TRDN: variants seen among roughly 807,000 people sequenced by gnomAD.
TRDN encodes the protein triadin in skeletal muscle.
TRDN carries 161 observed loss-of-function variants against 149.7 expected under a neutral mutation model. The observed-to-expected ratio is 1.08, with a 90% CI of 0.95 to 1.23. TRDN has a LOEUF of 1.23. TRDN is among the 50% of genes most tolerant of loss of function. The pLI is 0.00. For synonymous variants in TRDN, 294 were observed against 250.5 expected (o/e 1.17, Z -1.64); for missense variants, 896 against 823.5 (o/e 1.09, Z -1.08).
intron 24 of TRDN, among the ~76,000 whole-genome samples, chr6:123,301,770 C>CATATATATATATACATATAT (rs1778428268): frequency 3.5e-5 from 2 of 57,830 alleles, no homozygotes; most frequent in East Asian, 1.0e-3. Flanking sequence ...TATATATATA[C>CATATATATATATACATATAT]ATATATATAT....
chr6:123,290,205 T>C (rs1266101699), intron 24 of TRDN, among the ~76,000 whole-genome samples: 1 of 152,126 alleles, frequency 6.6e-6, no homozygotes, highest in Non-Finnish European at 1.5e-5. Context: ...CCTGTCTCTT[T>C]CTATTTTCCA....
At chr6:123,518,563 T>C (rs1159456691) in intron 5 of TRDN, among the ~76,000 whole-genome samples, 1 of 152,088 alleles carries the variant, frequency 6.6e-6, no homozygotes, top group Non-Finnish European at 1.5e-5. Flanking sequence ...CACTAAAGGA[T>C]TTTCAGATTG....
At chr6:123,476,442 CA>C (rs1170521719) in intron 9 of TRDN, among the ~76,000 whole-genome samples, 2 of 109,802 alleles carry the variant, frequency 1.8e-5, no homozygotes, top group Non-Finnish European at 3.9e-5. Flanking sequence ...ATTCCATGCT[CA>C]TGGGTAGGAA....
intron 4 of TRDN, among the ~76,000 whole-genome samples, chr6:123,535,115 T>G (rs1780460269): frequency 6.6e-6 from 1 of 152,144 alleles, no homozygotes; most frequent in Non-Finnish European, 1.5e-5. Context: ...GCCCATAAAT[T>G]CTTAAAGGTA....
At chr6:123,370,625 T>C (rs2061091089) in intron 19 of TRDN, among the ~76,000 whole-genome samples, 1 of 152,172 alleles carries the variant, frequency 6.6e-6, no homozygotes, top group South Asian at 2.1e-4. Flanking sequence ...GTACCCTAGA[T>C]AAATGACACA....
chr6:123,433,162 A>ATATATAT (rs796874348), intron 12 of TRDN, among the ~76,000 whole-genome samples: 3,291 of 79,438 alleles, frequency 0.041, 286 homozygotes, highest in East Asian at 0.12. Context: ...ATATATATAT[A>ATATATAT]ATATATATAT....
chr6:123,451,608 A>T (rs900928105), intron 10 of TRDN, among the ~76,000 whole-genome samples: 6 of 152,078 alleles, frequency 3.9e-5, no homozygotes, highest in African/African-American at 1.4e-4. Flanking sequence ...ATCATAATTT[A>T]AAAATTACCA....
intron 24 of TRDN, among the ~76,000 whole-genome samples, chr6:123,308,152 G>A (rs887350436): frequency 8.6e-5 from 13 of 151,958 alleles, no homozygotes; most frequent in African/African-American, 2.2e-4. Context: ...TTAGGATAAC[G>A]ACTTCCAGCT....
At chr6:123,291,668 G>A (rs889383668) in intron 24 of TRDN, among the ~76,000 whole-genome samples, 52 of 152,068 alleles carry the variant, frequency 3.4e-4, no homozygotes, top group African/African-American at 1.2e-3. Flanking sequence ...ATTTATAAAG[G>A]GAACTTTGTG....
Position 123,439,011 on chromosome 6 carries a change from A to G in TRDN, c.932-8T>C. On this transcript the variant is annotated splice_polypyrimidine_tract_variant and splice_region_variant and intron_variant, in intron 10 of 40. Coordinates refer to ENST00000334268, the MANE Select transcript of TRDN (RefSeq NM_006073.4). ...TCTTTTCCCCTTCTTTTTCTAGAGA[A>G]TACATTTAAAATATTTCCTTTAGGG... 6.5e-7 allele frequency: 1 copy of G among 1,542,780 alleles called. No individual in the cohort carries two copies.
rs1353550509 is a variant in TRDN at position 123,588,547 on chromosome 6, G to C, written c.23-17415C>G. On this transcript the variant is annotated intron_variant, in intron 1 of 40. Transcript: ENST00000334268. ...GAGTTTTATTTTTACTTTACAAAAT[G>C]AATAAAAATCCTGATCATCAATTTA... Among the ~76,000 whole-genome samples the C allele has an allele frequency of 2.6e-5, 4 of 152,114 alleles. No individual in the cohort carries two copies. In the South Asian group the frequency reaches 8.3e-4, roughly 32 times the overall value.
intron 18 of TRDN, among the ~76,000 whole-genome samples, chr6:123,376,248 G>GT (rs1387398058): frequency 3.3e-5 from 5 of 152,036 alleles, no homozygotes; most frequent in African/African-American, 1.2e-4. Context: ...TCTTACATGC[G>GT]TAAGTGAGAA....
intron 8 of TRDN, chr6:123,498,493 A>G: frequency 2.1e-6 from 1 of 468,296 alleles, no homozygotes; most frequent in Non-Finnish European, 4.4e-6. Context: ...AAAAATTTAG[A>G]TGTATTTTAG....
At chr6:123,346,664 T>C (rs890050166) in intron 21 of TRDN, among the ~76,000 whole-genome samples, 2 of 151,876 alleles carry the variant, frequency 1.3e-5, no homozygotes, top group Non-Finnish European at 2.9e-5. Context: ...CTCTTGAAAA[T>C]GATATTATAA....
At chr6:123,620,792 A>T (rs1197540639) in intron 1 of TRDN, among the ~76,000 whole-genome samples, 1 of 152,190 alleles carries the variant, frequency 6.6e-6, no homozygotes. Context: ...CAGGAAGAAT[A>T]GAAGTGGAAA....
chr6:123,512,688 T>A (rs1779239032), intron 6 of TRDN, among the ~76,000 whole-genome samples: 1 of 152,154 alleles, frequency 6.6e-6, no homozygotes. Context: ...AAAAAATATG[T>A]CATTATGTGT....
chr6:123,240,240 A>C (rs1775940956), intron 38 of TRDN, among the ~76,000 whole-genome samples: 1 of 151,898 alleles, frequency 6.6e-6, no homozygotes, highest in Admixed American at 6.6e-5. Context: ...CTACATAATA[A>C]AGTATTTTTA....
At chr6:123,579,359 G>T (rs984657420) in intron 1 of TRDN, among the ~76,000 whole-genome samples, 3 of 152,108 alleles carry the variant, frequency 2.0e-5, no homozygotes, top group Admixed American at 6.5e-5. Flanking sequence ...AAGGAATGTT[G>T]AATTTTATCA....
At chr6:123,314,024 T>A (rs1464341730) in intron 24 of TRDN, among the ~76,000 whole-genome samples, 1 of 152,062 alleles carries the variant, frequency 6.6e-6, no homozygotes, top group Non-Finnish European at 1.5e-5. Context: ...AACGAGCTTC[T>A]GCATAGCAAA....
Sources: allele counts gnomAD v4.1 joint callset (sites outside exome capture counted in the v4.1 genomes callset), GRCh38; gene constraint gnomAD v4.1.1; transcripts MANE v1.5; gene names NCBI Gene and HGNC (gene_info 2026-07-23, HGNC 2026-07-21).